The following NXPE2 variants were observed in gnomAD, a reference collection of about 807,000 sequenced individuals.
The protein encoded by NXPE2 is NXPE family member 2.
In NXPE2, 34 loss-of-function variants were observed where a neutral mutation model predicts 34.4. That is an observed-to-expected ratio of 0.99 (90% CI 0.75 to 1.31). The LOEUF is 1.31. Among genes scored for constraint, NXPE2 ranks in the 40% most tolerant of loss-of-function variants. The pLI is 0.00. For missense variants in NXPE2, 649 were observed against 672.5 expected (o/e 0.97, Z 0.39); for synonymous variants, 235 against 231.3 (o/e 1.02, Z -0.15).
At chr11:114,594,644 A>T in the NXPE2 span, 1 of 1,505,996 alleles carries the variant, frequency 6.6e-7, no homozygotes. Flanking sequence ...TGTAAACCAC[A>T]TAAATAAAGC....
chr11:114,712,087 A>G, the NXPE2 span, among the ~76,000 whole-genome samples: 1 of 152,220 alleles, frequency 6.6e-6, no homozygotes, highest in East Asian at 1.9e-4. Context: ...ACTTTATAGC[A>G]TATACAAAAA....
chr11:114,794,809 A>G, the NXPE2 span, among the ~76,000 whole-genome samples: 1 of 151,952 alleles, frequency 6.6e-6, no homozygotes, highest in African/African-American at 2.4e-5. Context: ...TTACATAATC[A>G]TAGTCTTCCT....
At chr11:114,670,279 A>C in the NXPE2 span, among the ~76,000 whole-genome samples, 1 of 152,060 alleles carries the variant, frequency 6.6e-6, no homozygotes, top group Non-Finnish European at 1.5e-5. Context: ...GAGCCTTGAT[A>C]AAATCACTGT....
downstream of NXPE2, among the ~76,000 whole-genome samples, chr11:114,708,132 T>A (rs1951503705): frequency 6.6e-6 from 1 of 152,076 alleles, no homozygotes; most frequent in Non-Finnish European, 1.5e-5. Context: ...TTAGAGAAAA[T>A]GTGATGTATA....
chr11:114,605,526 C>G, the NXPE2 span, among the ~76,000 whole-genome samples: 8 of 151,354 alleles, frequency 5.3e-5, no homozygotes, highest in Admixed American at 1.3e-4. Context: ...CCACAGTTAC[C>G]CGGTGGATAA....
chr11:114,676,896 A>G (rs529205045), upstream of NXPE2, among the ~76,000 whole-genome samples: 2 of 152,066 alleles, frequency 1.3e-5, no homozygotes, highest in South Asian at 4.1e-4. Flanking sequence ...AAATTGTGTC[A>G]TATATACACA....
chr11:114,698,762 T>C lies in NXPE2; in HGVS notation c.850T>C (p.Trp284Arg), dbSNP rs1244397630. ...TATTTCCTATCTTAGCAAGGAAGAATGGAGGCTTTTCCACAGGTAAAGAGG... is the reference window on the plus strand; with the variant it reads ...TATTTCCTATCTTAGCAAGGAAGAACGGAGGCTTTTCCACAGGTAAAGAGG... ...RNISYLSKEE[W>R]RLFHRSNIGV... Residue 284 changes from tryptophan (W) to arginine (R), a missense_variant, in exon 3 of 6, where the codon TGG (tryptophan) becomes CGG (arginine). Coordinates refer to ENST00000389586, the MANE Select transcript of NXPE2 (RefSeq NM_182495.6). The C allele has an allele frequency of 1.5e-5, 24 of 1,566,736 alleles. No individual in the cohort carries two copies. The highest frequency in any genetic ancestry group is 4.5e-5 in the East Asian group (2 of 44,386).
chr11:114,746,576 G>C, the NXPE2 span, among the ~76,000 whole-genome samples: 1 of 152,154 alleles, frequency 6.6e-6, no homozygotes, highest in African/African-American at 2.4e-5. Flanking sequence ...CCTGGGCTGG[G>C]CATGGTGGCT....
the NXPE2 span, among the ~76,000 whole-genome samples, chr11:114,633,278 G>A: frequency 2.3e-5 from 3 of 132,084 alleles, no homozygotes; most frequent in Admixed American, 1.6e-4. Flanking sequence ...ATAGTATTAT[G>A]TTATATTATA....
the NXPE2 span, among the ~76,000 whole-genome samples, chr11:114,746,652 C>T: frequency 1.3e-5 from 2 of 152,068 alleles, no homozygotes; most frequent in East Asian, 3.9e-4. Context: ...GAGATCGAGA[C>T]CATCCTGGCT....
the NXPE2 span, among the ~76,000 whole-genome samples, chr11:114,792,787 A>C: frequency 2.2e-4 from 34 of 152,202 alleles, no homozygotes; most frequent in African/African-American, 8.0e-4. Flanking sequence ...CCATTAATTG[A>C]TTCTGCTAAA....
the NXPE2 span, among the ~76,000 whole-genome samples, chr11:114,650,654 C>T: frequency 6.6e-6 from 1 of 152,022 alleles, no homozygotes; most frequent in African/African-American, 2.4e-5. Context: ...TGTCTTGGAC[C>T]CAGGATATAT....
the NXPE2 span, among the ~76,000 whole-genome samples, chr11:114,632,517 T>C: frequency 8.0e-6 from 1 of 124,642 alleles, no homozygotes; most frequent in Non-Finnish European, 1.6e-5. Context: ...TTATTTTATA[T>C]TATATTTTGC....
chr11:114,629,718 A>C, the NXPE2 span, among the ~76,000 whole-genome samples: 1 of 151,914 alleles, frequency 6.6e-6, no homozygotes, highest in Admixed American at 6.6e-5. Flanking sequence ...TTAGGAAAAG[A>C]GGAAGTCAAA....
chr11:114,469,109 CTTTTTTTTT>C, the NXPE2 span, among the ~76,000 whole-genome samples: 1 of 88,874 alleles, frequency 1.1e-5, no homozygotes, highest in Non-Finnish European at 2.0e-5. Flanking sequence ...ACAGTGCTAG[CTTTTTTTTT>C]TTTTTTTTTT....
chr11:114,517,039 G>A, the NXPE2 span, among the ~76,000 whole-genome samples: 1 of 152,136 alleles, frequency 6.6e-6, no homozygotes, highest in African/African-American at 2.4e-5. Flanking sequence ...CCTGTTCAGC[G>A]CTGTGTCCTC....
At chr11:114,622,194 A>C in the NXPE2 span, among the ~76,000 whole-genome samples, 1 of 104,726 alleles carries the variant, frequency 9.5e-6, no homozygotes, top group African/African-American at 3.0e-5. Context: ...GTGGGTAACC[A>C]CTATTACCTG....
the NXPE2 span, among the ~76,000 whole-genome samples, chr11:114,572,073 A>G: frequency 2.9e-4 from 44 of 152,132 alleles, no homozygotes; most frequent in African/African-American, 1.0e-3. Flanking sequence ...GTCACATCCT[A>G]TGGGATTCTT....
chr11:114,802,238 C>T, the NXPE2 span, among the ~76,000 whole-genome samples: 52 of 152,158 alleles, frequency 3.4e-4, no homozygotes, highest in Admixed American at 8.5e-4. Flanking sequence ...GGAGTGCTGC[C>T]GTCTTTCTTT....
Sources: allele counts gnomAD v4.1 joint callset (sites outside exome capture counted in the v4.1 genomes callset), GRCh38; gene constraint gnomAD v4.1.1; transcripts MANE v1.5; gene names NCBI Gene and HGNC (gene_info 2026-07-23, HGNC 2026-07-21).